The following RASEF variants were observed in gnomAD, a reference collection of about 807,000 sequenced individuals.
RASEF encodes the protein ras and EF-hand domain-containing protein.
A neutral mutation model predicts 90.1 loss-of-function variants in RASEF; 68 were observed. That is an observed-to-expected ratio of 0.75 (90% CI 0.62 to 0.92). RASEF has a LOEUF of 0.92. RASEF is among the 40% of genes least tolerant of loss of function. The pLI is 0.00. For missense variants in RASEF, 949 were observed against 937.2 expected (o/e 1.01, Z -0.16); for synonymous variants, 331 against 345.2 (o/e 0.96, Z 0.46).
At chr9:83,123,831 T>G in the RASEF span, among the ~76,000 whole-genome samples, 1 of 152,364 alleles carries the variant, frequency 6.6e-6, no homozygotes, top group Admixed American at 6.5e-5. Flanking sequence ...ATTTATCATT[T>G]TTACTATTTT....
chr9:83,108,363 A>G, the RASEF span, among the ~76,000 whole-genome samples: 20 of 152,270 alleles, frequency 1.3e-4, 1 homozygote, highest in South Asian at 3.5e-3. Flanking sequence ...GGCCCCCTGG[A>G]CAACCCTGTT....
At chr9:83,096,685 G>A in the RASEF span, among the ~76,000 whole-genome samples, 2 of 151,866 alleles carry the variant, frequency 1.3e-5, no homozygotes, top group African/African-American at 4.8e-5. Context: ...AAACGTGCAG[G>A]TTTGTTACAT....
At position 83,022,471 on chromosome 9, in the gene RASEF, T is replaced by C. The variant is rs555572904; in HGVS notation, c.579-45A>G. On this transcript the variant is annotated intron_variant, in intron 2 of 16. Coordinates refer to ENST00000376447, the MANE Select transcript of RASEF (RefSeq NM_152573.4). ...ACACCTTTTCATTATACTCTTGAAC[T>C]TGAAACATGAAGAGAAACTTCAGAT... The C allele has an allele frequency of 2.4e-5, 33 of 1,398,030 alleles. No individual in the cohort carries two copies. In the Admixed American group the frequency reaches 4.0e-4, roughly 17 times the overall value. The allele number at this position is 1,398,030 out of a possible 1,614,324, so 86.6% of individuals were successfully genotyped here.
the RASEF span, among the ~76,000 whole-genome samples, chr9:83,121,057 A>G: frequency 6.6e-6 from 1 of 152,204 alleles, no homozygotes; most frequent in African/African-American, 2.4e-5. Flanking sequence ...TTTGGAGCAG[A>G]TTTAATTTTT....
chr9:83,206,467 G>T, the RASEF span, among the ~76,000 whole-genome samples: 1 of 152,330 alleles, frequency 6.6e-6, no homozygotes, highest in East Asian at 1.9e-4. Context: ...GAAAATGCCA[G>T]CACCTCAGAG....
chr9:83,062,347 G>GTT, intron 1 of RASEF, 90 bp downstream of exon 1: 1 of 1,230,674 alleles, frequency 8.1e-7, no homozygotes, highest in Non-Finnish European at 1.2e-6. Flanking sequence ...CTAGGGGGGG[G>GTT]GGCCATTGGG....
At position 83,009,836 on chromosome 9, in the gene RASEF, C is replaced by A. The variant is rs1223681300; in HGVS notation, c.844-80G>T. On this transcript the variant is annotated intron_variant, in intron 5 of 16. Transcript: ENST00000376447. ...GAAATGAAGTAAAGTGTCCTGTCAC[C>A]CTCCCACACCACTCTCACCCTTCCA... is the stretch of plus-strand genomic sequence containing the variant. 4.3e-5 allele frequency: 33 copies of A among 767,426 alleles called. No homozygotes were observed. In the Admixed American group the frequency reaches 5.7e-4, roughly 13 times the overall value. The allele number at this position is 767,426 out of a possible 1,614,324, so 47.5% of individuals were successfully genotyped here. A position where few individuals can be genotyped will look rare whatever the true frequency, so the allele number is the denominator to read the frequency against.
the RASEF span, among the ~76,000 whole-genome samples, chr9:83,094,750 C>A: frequency 6.6e-6 from 1 of 152,162 alleles, no homozygotes; most frequent in Non-Finnish European, 1.5e-5. Flanking sequence ...TGTACAACTC[C>A]TGCTCTTGGG....
the RASEF span, among the ~76,000 whole-genome samples, chr9:83,200,628 GTCA>G: frequency 6.6e-6 from 1 of 152,094 alleles, no homozygotes; most frequent in Non-Finnish European, 1.5e-5. Context: ...CAAAACACCT[GTCA>G]TCATCATTTT....
the RASEF span, among the ~76,000 whole-genome samples, chr9:83,179,178 A>G: frequency 2.6e-5 from 4 of 152,206 alleles, no homozygotes; most frequent in African/African-American, 9.6e-5. Flanking sequence ...GTCAGTTGTC[A>G]TAGGAAAAGC....
Position 82,981,543 on chromosome 9 carries a change from A to T in RASEF, c.*1134T>A, listed in dbSNP as rs1828600540. On this transcript the variant is annotated 3_prime_UTR_variant, in exon 17 of 17. Transcript: ENST00000376447. ...AACCATGGGAAGGTTTGAAATCAGC[A>T]GGGATACGAAAATGAAAATTTTGCA... 6.6e-6 allele frequency: 1 copy of T among 152,236 alleles called. No homozygotes were observed. Among genetic ancestry groups the T allele is most frequent in the Non-Finnish European group, 1.5e-5 (1 of 68,036 alleles). 9.4% of individuals were successfully genotyped at this position (152,236 alleles called of 1,614,324 possible). A position where few individuals can be genotyped will look rare whatever the true frequency, so the allele number is the denominator to read the frequency against.
chr9:83,119,774 G>C, the RASEF span, among the ~76,000 whole-genome samples: 1 of 152,126 alleles, frequency 6.6e-6, no homozygotes, highest in Non-Finnish European at 1.5e-5. Flanking sequence ...AATCTTTCCC[G>C]TGCTGTTCTT....
At chr9:83,045,156 A>G (rs1364314239) in intron 1 of RASEF, among the ~76,000 whole-genome samples, 1 of 152,226 alleles carries the variant, frequency 6.6e-6, no homozygotes, top group Non-Finnish European at 1.5e-5. Context: ...TATAACACAT[A>G]CATTTTATAT....
the RASEF span, among the ~76,000 whole-genome samples, chr9:83,101,953 C>T: frequency 1.1e-4 from 17 of 152,208 alleles, no homozygotes; most frequent in African/African-American, 1.9e-4. Flanking sequence ...CTCTGTAAGG[C>T]GCATCACAGC....
intron 1 of RASEF, among the ~76,000 whole-genome samples, chr9:83,031,156 TAC>T (rs1187542646): frequency 6.6e-6 from 1 of 152,258 alleles, no homozygotes; most frequent in Non-Finnish European, 1.5e-5. Context: ...AGTTCTTTGT[TAC>T]AGTCAGCTTA....
In RASEF at chr9:83,007,442, T is replaced by G. The variant is rs780491621; in HGVS notation, c.1023A>C (p.Ile341=). 3.7e-6 allele frequency: 6 copies of G among 1,606,676 alleles called. No individual in the cohort carries two copies. In the Admixed American group the frequency reaches 1.0e-4, roughly 27 times the overall value. ...CATTTGATCTGCGGACTTACTGGAG[T>G]ATTTCAATTTGCCTCTCAAGACTAT... ...DRNSLERQIE[I]LQTANRKLHD... Residue 341 remains isoleucine (I), a synonymous_variant, in exon 7 of 17, where the codon ATA becomes ATC. Transcript: ENST00000376447.
chr9:83,006,623 A>G (rs1187190663), intron 7 of RASEF, among the ~76,000 whole-genome samples: 2 of 152,124 alleles, frequency 1.3e-5, no homozygotes, highest in Non-Finnish European at 2.9e-5. Context: ...TGTGGGGAAG[A>G]CCTTCAGAGG....
upstream of RASEF, among the ~76,000 whole-genome samples, chr9:83,067,600 T>C (rs1220586015): frequency 3.3e-5 from 5 of 152,220 alleles, no homozygotes; most frequent in African/African-American, 7.2e-5. Flanking sequence ...TGTGTATGTG[T>C]TGTGTTGGCA....
intron 9 of RASEF, among the ~76,000 whole-genome samples, chr9:83,001,381 GTTCT>G (rs1019949128): frequency 2.3e-4 from 35 of 152,180 alleles, no homozygotes; most frequent in African/African-American, 7.5e-4. Flanking sequence ...AAAAAATAAT[GTTCT>G]TTATTTCCTG....
Sources: gnomAD v4.1 joint callset for allele counts (sites outside exome capture counted in the v4.1 genomes callset) on GRCh38, gnomAD v4.1.1 for gene constraint, MANE v1.5 for transcripts, NCBI Gene and HGNC (gene_info 2026-07-23, HGNC 2026-07-21) for gene names.